RSRP1: variants seen among roughly 807,000 people sequenced by gnomAD.
RSRP1 encodes arginine/serine-rich protein 1.
In RSRP1, 37 loss-of-function variants were observed where a neutral mutation model predicts 33.0. That is an observed-to-expected ratio of 1.12 (90% CI 0.86 to 1.48). The LOEUF is 1.48. RSRP1 is among the 40% of genes most tolerant of loss of function. The pLI is 0.00. For missense variants in RSRP1, 402 were observed against 385.3 expected (o/e 1.04, Z -0.36); for synonymous variants, 167 against 158.7 (o/e 1.05, Z -0.40).
At chr1:25,283,101 A>G (rs1641644176) in intron 1 of RSRP1, among the ~76,000 whole-genome samples, 2 of 132,878 alleles carry the variant, frequency 1.5e-5, no homozygotes. Flanking sequence ...TATGTGCATT[A>G]CATATACCAT....
At position 25,281,035 on chromosome 1, in the gene RSRP1, T is replaced by A. The variant is rs1367002006; in HGVS notation, c.-66-34006A>T. On this transcript the variant is annotated intron_variant, in intron 1 of 1. Coordinates refer to the RSRP1 transcript ENST00000561867. Reference sequence around the variant, plus strand: ...AGAGCTGTAAAAGCCTTAGAGAGTATCAAGTCCAACTCCTATGTGTTACAG... The same window carrying A: ...AGAGCTGTAAAAGCCTTAGAGAGTAACAAGTCCAACTCCTATGTGTTACAG... Among the ~76,000 whole-genome samples, 2 of 131,918 alleles carry A rather than the reference T, an allele frequency of 1.5e-5. 1 individual carries two copies. Among genetic ancestry groups the A allele is most frequent in the Non-Finnish European group, 3.6e-5 (2 of 55,882 alleles). The allele number at this position is 131,918 out of a possible 152,430, so 86.5% of individuals were successfully genotyped here. A position where few individuals can be genotyped will look rare whatever the true frequency, so the allele number is the denominator to read the frequency against.
intron 1 of RSRP1, among the ~76,000 whole-genome samples, chr1:25,297,878 G>T (rs1267202446): frequency 7.6e-6 from 1 of 131,614 alleles, no homozygotes; most frequent in Admixed American, 7.4e-5. Flanking sequence ...AGGGCAGGAG[G>T]TGCTGCCAGA....
chr1:25,253,604 G>A (rs9438900), intron 1 of RSRP1: 60,483 of 152,092 alleles, frequency 0.4, 13,757 homozygotes, highest in East Asian at 0.72. Flanking sequence ...CAGGTGATCC[G>A]CCCACCTCGC....
At position 25,278,133 on chromosome 1, in the gene RSRP1, G is replaced by A. The variant is rs570624617; in HGVS notation, c.-66-31104C>T. Among the ~76,000 whole-genome samples, 2 of 129,876 alleles carry A rather than the reference G, an allele frequency of 1.5e-5. 1 individual carries two copies. Among genetic ancestry groups the A allele is most frequent in the South Asian group, 4.8e-4 (2 of 4,192 alleles). 85.2% of individuals were successfully genotyped at this position (129,876 alleles called of 152,430 possible). On this transcript the variant is annotated intron_variant, in intron 1 of 1. Coordinates refer to the RSRP1 transcript ENST00000561867. ...GATGACCTGTGATGAGACCAGATGG[G>A]CAGGGGCAGTGGAGGAGATTCTAGA... is the stretch of plus-strand genomic sequence containing the variant.
intron 1 of RSRP1, among the ~76,000 whole-genome samples, chr1:25,288,746 C>T: frequency 7.9e-6 from 1 of 126,612 alleles, no homozygotes; most frequent in Non-Finnish European, 1.8e-5. Context: ...CTCCTAACCA[C>T]TGCACATCAC....
rs769183738 is a variant in RSRP1 at position 25,301,589 on chromosome 1, A to G, written c.-67+36389T>C. The G allele has an allele frequency of 7.2e-6, 10 of 1,379,954 alleles. 4 individuals carry two copies. The highest frequency in any genetic ancestry group is 9.2e-6 in the Non-Finnish European group (9 of 979,294). The allele number at this position is 1,379,954 out of a possible 1,614,324, so 85.5% of individuals were successfully genotyped here. On this transcript the variant is annotated intron_variant, in intron 1 of 1. Transcript: ENST00000561867. ...CTGCTGAGAAGTCCAATCGAAAGGA[A>G]GAATGCCGTGTTCAACACCTACTAT... is the stretch of plus-strand genomic sequence containing the variant.
At chr1:25,296,654 A>T (rs2124660940) in intron 1 of RSRP1, among the ~76,000 whole-genome samples, 1 of 131,422 alleles carries the variant, frequency 7.6e-6, no homozygotes, top group Non-Finnish European at 1.8e-5. Context: ...ATTGGATCAC[A>T]GGGGTGGTTT....
chr1:25,322,971 A>C (rs1644799006), intron 1 of RSRP1, among the ~76,000 whole-genome samples: 2 of 86,008 alleles, frequency 2.3e-5, no homozygotes, highest in South Asian at 7.7e-4. Context: ...CTTTAAAGCC[A>C]TCACAAGGTG....
At chr1:25,305,374 A>ATATT (rs34347122) in intron 1 of RSRP1, among the ~76,000 whole-genome samples, 1,173 of 106,776 alleles carry the variant, frequency 0.011, 120 homozygotes, top group African/African-American at 0.033. Context: ...AGGAGTCTGG[A>ATATT]TATTTATTTA....
intron 1 of RSRP1, chr1:25,266,811 G>T (rs573668248): frequency 0.015 from 1,941 of 130,692 alleles, 394 homozygotes; most frequent in African/African-American, 0.055. Context: ...GGTCAAAGCC[G>T]CAGCAACGCC....
chr1:25,263,222 C>T (rs191638504), intron 1 of RSRP1, among the ~76,000 whole-genome samples: 185 of 151,250 alleles, frequency 1.2e-3, no homozygotes, highest in Admixed American at 3.1e-3. Context: ...CAGGGAGAGA[C>T]GGATAAGTGA....
At position 25,243,568 on chromosome 1, in the gene RSRP1, G is replaced by T. The variant is rs889010396; in HGVS notation, c.738C>A (p.Ser246Arg). 25 of 1,613,664 alleles carry T rather than the reference G, an allele frequency of 1.5e-5. No individual in the cohort carries two copies. The highest frequency in any genetic ancestry group is 2.1e-5 in the Non-Finnish European group (25 of 1,179,842). The change falls in exon 4 of 5, where the codon AGC (serine) becomes AGA (arginine). Residue 246 changes from serine to arginine, a missense_variant. Ser to Arg is a moderately radical substitution (Grantham distance 110). Coordinates refer to ENST00000243189, the MANE Select transcript of RSRP1 (RefSeq NM_020317.5). ...NPNEKPTQQR[S>R]IAFSSNNSVA... ...TACTTACATTAGAGCTAAAAGCTAT[G>T]CTTCTTTGCTGGGTAGGTTTTTCAT...
chr1:25,310,362 C>A (rs1644075621), intron 1 of RSRP1, among the ~76,000 whole-genome samples: 1 of 133,132 alleles, frequency 7.5e-6, no homozygotes, highest in South Asian at 2.3e-4. Flanking sequence ...AGCTGGCATG[C>A]TCTTGCCCTC....
rs756911715 is a variant in RSRP1 at position 25,329,678 on chromosome 1, G to A, written c.-67+8300C>T. On this transcript the variant is annotated intron_variant, in intron 1 of 1. Coordinates refer to the RSRP1 transcript ENST00000561867. ...TTTTTATACTTTTTTTTTTTGAAAC[G>A]GAGTCTCACTCTGTCACCAGGCTGG... 5.0e-4 allele frequency: 64 copies of A among 128,304 alleles called. 15 individuals carry two copies. Among genetic ancestry groups the A allele is most frequent in the Non-Finnish European group, 9.7e-4 (53 of 54,668 alleles). The allele number at this position is 128,304 out of a possible 1,614,324, so 7.9% of individuals were successfully genotyped here. A position where few individuals can be genotyped will look rare whatever the true frequency, so the allele number is the denominator to read the frequency against.
At chr1:25,248,560 T>A (rs1487010588), upstream of RSRP1, among the ~76,000 whole-genome samples, 1 of 152,210 alleles carries the variant, frequency 6.6e-6, no homozygotes, top group Non-Finnish European at 1.5e-5. Flanking sequence ...TTCTTCCGCC[T>A]CAGCCTCCTG....
rs1437769757 is a variant in RSRP1 at position 25,294,058 on chromosome 1, A to G, written c.-67+43920T>C. 29 of 670,324 alleles carry G rather than the reference A, an allele frequency of 4.3e-5. 5 individuals carry two copies. The African/African-American group carries it at 4.5e-4, about 10-fold the overall frequency. The allele number at this position is 670,324 out of a possible 1,614,324, so 41.5% of individuals were successfully genotyped here. On this transcript the variant is annotated intron_variant, in intron 1 of 1. Transcript: ENST00000561867. ...TGTGATTAAGAGAAGAAGGCTGTCC[A>G]CCAATGGGCTTATCTGTTATTTCTT...
intron 1 of RSRP1, among the ~76,000 whole-genome samples, chr1:25,270,261 T>C (rs2124572083): frequency 7.7e-6 from 1 of 130,360 alleles, no homozygotes; most frequent in Admixed American, 7.4e-5. Context: ...TAGAAGCCCA[T>C]GTTCCTAGAC....
rs1235124412 is a variant in RSRP1 at position 25,274,884 on chromosome 1, A to G, written c.-66-27855T>C. Among the ~76,000 whole-genome samples the G allele has an allele frequency of 6.9e-5, 9 of 130,074 alleles. 2 individuals carry two copies. The highest frequency in any genetic ancestry group is 1.6e-4 in the African/African-American group (6 of 38,310). 85.3% of individuals were successfully genotyped at this position (130,074 alleles called of 152,430 possible). On this transcript the variant is annotated intron_variant, in intron 1 of 1. Coordinates refer to the RSRP1 transcript ENST00000561867. Reference sequence around the variant, plus strand: ...TGGCTGGGTGTGGTGGCACACGTCTATAATCCGAGCTACTTGGGAGGCCAT... The same window carrying G: ...TGGCTGGGTGTGGTGGCACACGTCTGTAATCCGAGCTACTTGGGAGGCCAT...
intron 1 of RSRP1, among the ~76,000 whole-genome samples, chr1:25,259,000 G>C (rs1640038943): frequency 6.6e-6 from 1 of 152,150 alleles, no homozygotes; most frequent in Non-Finnish European, 1.5e-5. Flanking sequence ...ATAAAATACA[G>C]CCATGTACCA....
Sources: gnomAD v4.1 joint callset for allele counts (sites outside exome capture counted in the v4.1 genomes callset) on GRCh38, gnomAD v4.1.1 for gene constraint, MANE v1.5 for transcripts, NCBI Gene and HGNC (gene_info 2026-07-23, HGNC 2026-07-21) for gene names.